Variants in TASOR2 observed in about 807,000 individuals in gnomAD.
TASOR2 encodes the protein transcription activation suppressor family member 2.
In TASOR2, 84 loss-of-function variants were observed where a neutral mutation model predicts 199.5. The ratio of observed to expected loss-of-function variants is 0.42; its 90% CI spans 0.35 to 0.50. TASOR2 has a LOEUF of 0.50. TASOR2 is among the 20% of genes least tolerant of loss of function. The pLI is 0.02. For missense variants in TASOR2, 2,796 were observed against 2,835.9 expected, an observed-to-expected ratio of 0.99 and a Z score of 0.32; for synonymous variants, 1,103 against 1,046.6, an observed-to-expected ratio of 1.05 and a Z score of -1.04.
chr10:5,749,471 C>G (rs749803589), exon 15 of TASOR2: 2 of 1,614,142 alleles, frequency 1.2e-6, no homozygotes. Context: ...TCCATTGGTG[C>G]TTTCCCTTCG....
At position 5,740,148 on chromosome 10, in the gene TASOR2, C is replaced by A; in HGVS notation, c.1978C>A (p.Leu660Ile). 6.2e-7 allele frequency: 1 copy of A among 1,614,208 alleles called. No individual in the cohort carries two copies. The highest frequency in any genetic ancestry group is 8.5e-7 in the Non-Finnish European group (1 of 1,180,046). ...TGTGGAACATTCATATGCCCTGCTC[C>A]TTACAGAACATTCAAAGAAACATCT... is the stretch of plus-strand genomic sequence containing the variant. Residue 660 changes from leucine to isoleucine, a missense_variant, in exon 13 of 21, where the codon CTT becomes ATT. By Grantham distance (5) the Leu-to-Ile change is conservative. Transcript: ENST00000328090. This position sits in a 1 kb window ranked among gnomAD's most constrained non-coding sequence, Gnocchi z 5.3.
intron 11 of TASOR2, 140 bp downstream of exon 12, chr10:5,731,343 A>G (rs1564313708): frequency 2.8e-6 from 2 of 718,810 alleles, no homozygotes; most frequent in South Asian, 1.9e-5. Flanking sequence ...AGTCTGACCA[A>G]TACGGTGACA....
chr10:5,759,039 C>CA (rs1839391017), intron 18 of TASOR2, 47 bp downstream of exon 19: 3 of 1,352,226 alleles, frequency 2.2e-6, no homozygotes, highest in Middle Eastern at 3.6e-4. Context: ...GCTGGGGTAG[C>CA]AGAGAAACGC....
At chr10:5,728,326 T>G (rs886467753) in intron 10 of TASOR2, among the ~76,000 whole-genome samples, 4 of 152,122 alleles carry the variant, frequency 2.6e-5, no homozygotes, top group East Asian at 1.9e-4. Context: ...TAAACATGTT[T>G]TTAAAGTTTT....
At position 5,706,731 on chromosome 10, in the gene TASOR2, G is replaced by A. The variant is rs919189834; in HGVS notation, c.-287-6092G>A. On this transcript the variant is annotated intron_variant, in intron 1 of 20. Coordinates refer to ENST00000328090, the Ensembl canonical transcript of TASOR2. This position sits in a 1 kb window ranked among gnomAD's most constrained non-coding sequence, Gnocchi z 4.8. Reference sequence around the variant, plus strand: ...AAGTAGTGAAACCTAGGCCTAGCACGGTGGCTCATGCCTGTAATTCCAGCA... The same window carrying A: ...AAGTAGTGAAACCTAGGCCTAGCACAGTGGCTCATGCCTGTAATTCCAGCA... Among the ~76,000 whole-genome samples the A allele has an allele frequency of 6.6e-5, 10 of 152,128 alleles. No homozygotes were observed. Among genetic ancestry groups the A allele is most frequent in the African/African-American group, 2.4e-4 (10 of 41,416 alleles).
chr10:5,753,456 G>A (rs759502784), intron 15 of TASOR2, among the ~76,000 whole-genome samples: 10 of 152,122 alleles, frequency 6.6e-5, no homozygotes, highest in South Asian at 2.1e-4. Context: ...TCTGTCTCCC[G>A]CATTCACACC....
At chr10:5,703,736 C>T (rs1838208110) in intron 1 of TASOR2, among the ~76,000 whole-genome samples, 1 of 151,534 alleles carries the variant, frequency 6.6e-6, no homozygotes, top group Admixed American at 6.6e-5. Context: ...ATCTCCTGAC[C>T]TCGTGATCCG....
intron 1 of TASOR2, among the ~76,000 whole-genome samples, chr10:5,700,773 G>A (rs978724794): frequency 7.0e-6 from 1 of 142,252 alleles, no homozygotes; most frequent in Admixed American, 7.3e-5. Context: ...TTTTTTAATT[G>A]GATTATTTGT....
Position 5,720,037 on chromosome 10 carries a change from G to A in TASOR2, c.-99-507G>A, listed in dbSNP as rs1833159340. 6.6e-6 allele frequency among the ~76,000 whole-genome samples: 1 copy of A among 152,022 alleles called. No individual in the cohort carries two copies. Among genetic ancestry groups the A allele is most frequent in the Non-Finnish European group, 1.5e-5 (1 of 67,998 alleles). ...AAAACTATGGATATTTGTCTCAGAC[G>A]CCCAAATGTCCAAAATTTTTGAGTC... On this transcript the variant is annotated intron_variant, in intron 3 of 20. Transcript: ENST00000328090. The surrounding 1 kb of genome is among the most constrained non-coding windows in gnomAD (Gnocchi z 5.3).
In TASOR2 at chr10:5,699,833, T is replaced by C; in HGVS notation, c.-287-12990T>C. On this transcript the variant is annotated intron_variant, in intron 1 of 20. Transcript: ENST00000328090. This position sits in a 1 kb window ranked among gnomAD's most constrained non-coding sequence, Gnocchi z 4.1. Reference sequence around the variant, plus strand: ...TAAAACAGGTACACATTTATTTTTATTGATGCGTAATAGATGTACACAGTT... The same window carrying C: ...TAAAACAGGTACACATTTATTTTTACTGATGCGTAATAGATGTACACAGTT... 1 of 671,760 alleles carries C rather than the reference T, an allele frequency of 1.5e-6. No homozygotes were observed. The highest frequency in any genetic ancestry group is 1.8e-6 in the Non-Finnish European group (1 of 543,680). 41.6% of individuals were successfully genotyped at this position (671,760 alleles called of 1,614,324 possible). A position where few individuals can be genotyped will look rare whatever the true frequency, so the allele number is the denominator to read the frequency against.
At position 5,750,929 on chromosome 10, in the gene TASOR2, G is replaced by C. The variant is rs1297955221; in HGVS notation, c.6606+902G>C. Among the ~76,000 whole-genome samples the C allele has an allele frequency of 6.6e-6, 1 of 152,184 alleles. No homozygotes were observed. The highest frequency in any genetic ancestry group is 6.5e-5 in the Admixed American group (1 of 15,284). ...GTCTTCAGTCTGCAATAGTTCCTCT[G>C]TTATTCCTTGTCTTTTATGACCTTA... On this transcript the variant is annotated intron_variant, in intron 15 of 20. Transcript: ENST00000328090. The surrounding 1 kb of genome is among the most constrained non-coding windows in gnomAD (Gnocchi z 5.4).
At chr10:5,739,959 C>T in exon 13 of TASOR2, 2 of 1,614,084 alleles carry the variant, frequency 1.2e-6, no homozygotes, top group Non-Finnish European at 1.7e-6. Flanking sequence ...TGAATTACTA[C>T]CTAACCCATC....
At chr10:5,746,491 G>A in exon 15 of TASOR2, 2 of 1,613,990 alleles carry the variant, frequency 1.2e-6, no homozygotes, top group Middle Eastern at 1.6e-4. Context: ...TATCCAACAT[G>A]GCAGCCCCAT....
chr10:5,755,256 A>T (rs1018833790), intron 15 of TASOR2, among the ~76,000 whole-genome samples: 2 of 152,106 alleles, frequency 1.3e-5, no homozygotes, highest in Non-Finnish European at 2.9e-5. Flanking sequence ...GAATGAATTG[A>T]AATAGTCAGA....
rs766497963 is a variant in TASOR2 at position 5,742,079 on chromosome 10, CT to C, written c.2328-15del. On this transcript the variant is annotated splice_polypyrimidine_tract_variant and intron_variant, in intron 13 of 20. Coordinates refer to ENST00000328090, the Ensembl canonical transcript of TASOR2. The surrounding 1 kb of genome is among the most constrained non-coding windows in gnomAD (Gnocchi z 4.2). ...CCATTTTCAATGATTTTCATGTGTT[CT>C]TTCTGTAAACTCTTAGGCCCTGGAA... 3.1e-6 allele frequency: 5 copies of C among 1,601,364 alleles called. 1 individual carries two copies. In the South Asian group the frequency reaches 5.7e-5, roughly 18 times the overall value.
At chr10:5,693,257 A>C (rs558644080) in intron 1 of TASOR2, among the ~76,000 whole-genome samples, 1 of 152,308 alleles carries the variant, frequency 6.6e-6, no homozygotes, top group South Asian at 2.1e-4. Context: ...AGACGGTGCT[A>C]GTTGTGTGTG....
At chr10:5,707,911 AC>A (rs1831328694) in intron 1 of TASOR2, among the ~76,000 whole-genome samples, 1 of 152,284 alleles carries the variant, frequency 6.6e-6, no homozygotes, top group East Asian at 1.9e-4. Flanking sequence ...TAGTGGTAGC[AC>A]CTAGTGAGTT....
At chr10:5,747,850 G>A (rs141824892) in exon 15 of TASOR2, 2 of 1,613,820 alleles carry the variant, frequency 1.2e-6, no homozygotes, top group African/African-American at 1.3e-5. Flanking sequence ...GCAGGTCTCT[G>A]CCGAAATGCC....
chr10:5,762,471 C>A, intron 19 of TASOR2, 61 bp from the exon 21 acceptor site: 1 of 437,392 alleles, frequency 2.3e-6, no homozygotes. Flanking sequence ...AAACCAGGTC[C>A]TGTTATATAA....
Sources: gnomAD v4.1 joint callset for allele counts (sites outside exome capture counted in the v4.1 genomes callset) on GRCh38, gnomAD v4.1.1 for gene constraint, Gnocchi (gnomAD v3.1) non-coding constraint, MANE v1.5 for transcripts, NCBI Gene and HGNC (gene_info 2026-07-23, HGNC 2026-07-21) for gene names.